CASZ1: variants seen among roughly 807,000 people sequenced by gnomAD.
CASZ1 encodes the protein zinc finger protein castor homolog 1.
Under a neutral mutation model 135.2 loss-of-function variants are expected in CASZ1, and 28 were observed. The observed-to-expected ratio is 0.21, with a 90% CI of 0.15 to 0.28. The LOEUF (loss-of-function observed/expected upper bound fraction) is 0.28. Ranked by LOEUF, CASZ1 falls within the 10% of genes least tolerant of loss-of-function variation. The pLI is 1.00. For synonymous variants in CASZ1, 1,068 were observed against 1,073.4 expected, an observed-to-expected ratio of 0.99 and a Z score of 0.10; for missense variants, 2,161 against 2,453.3, an observed-to-expected ratio of 0.88 and a Z score of 2.52.
In CASZ1 at chr1:10,699,931, A is replaced by G. The variant is rs1026511031; in HGVS notation, c.-24+5561T>C. On this transcript the variant is annotated intron_variant, in intron 3 of 20. Coordinates refer to ENST00000377022, the MANE Select transcript of CASZ1 (RefSeq NM_001079843.3). This position sits in a 1 kb window ranked among gnomAD's most constrained non-coding sequence, Gnocchi z 4.6. ...GTGAGAGAAGAGAGAGGTAGGTGGG[A>G]AGAAAAAGGTGAGAAGAAACAGAAG... Among the ~76,000 whole-genome samples, 1 of 152,044 alleles carries G rather than the reference A, an allele frequency of 6.6e-6. No individual in the cohort carries two copies. The highest frequency in any genetic ancestry group is 1.5e-5 in the Non-Finnish European group (1 of 68,010).
intron 18 of CASZ1, 78 bp from the exon 19 acceptor site, chr1:10,643,389 C>T: frequency 6.7e-7 from 1 of 1,502,072 alleles, no homozygotes; most frequent in Non-Finnish European, 9.1e-7. Flanking sequence ...GGGCACTGTT[C>T]TGGGCATGGG....
At chr1:10,668,379 C>T (rs1237588199) in intron 4 of CASZ1, among the ~76,000 whole-genome samples, 2 of 152,236 alleles carry the variant, frequency 1.3e-5, no homozygotes, top group East Asian at 3.8e-4. Context: ...CTGTCACTGC[C>T]CCTTTCATCT....
Position 10,719,107 on chromosome 1 carries a change from G to A in CASZ1, c.-76-13563C>T, listed in dbSNP as rs535346868. ...TTTTTTTTACTTTTAGTGGAGGTGG[G>A]GTTTCCAACCATGTTGGCCAGACTA... On this transcript the variant is annotated intron_variant, in intron 2 of 20. Transcript: ENST00000377022. This position sits in a 1 kb window ranked among gnomAD's most constrained non-coding sequence, Gnocchi z 4.0. 6.6e-6 allele frequency among the ~76,000 whole-genome samples: 1 copy of A among 151,988 alleles called. No individual in the cohort carries two copies. Among genetic ancestry groups the A allele is most frequent in the Non-Finnish European group, 1.5e-5 (1 of 67,992 alleles).
chr1:10,739,237 G>A lies in CASZ1; in HGVS notation c.-77+21464C>T, dbSNP rs1325982776. Among the ~76,000 whole-genome samples, 2 of 152,142 alleles carry A rather than the reference G, an allele frequency of 1.3e-5. No homozygotes were observed. Among genetic ancestry groups the A allele is most frequent in the Non-Finnish European group, 2.9e-5 (2 of 68,026 alleles). ...GGTGCAACCTGCAGCTGCGGGACGG[G>A]TGCATTCACGAGGGGGGTGTGTGCG... On this transcript the variant is annotated intron_variant, in intron 2 of 20. Transcript: ENST00000377022. The surrounding 1 kb of genome is among the most constrained non-coding windows in gnomAD (Gnocchi z 4.8).
intron 6 of CASZ1, 66 bp from the exon 7 acceptor site, chr1:10,658,642 T>C: frequency 7.0e-7 from 1 of 1,424,936 alleles, no homozygotes; most frequent in Non-Finnish European, 9.9e-7. Flanking sequence ...CAGGGGCATC[T>C]GGTGGGCAGC....
intron 4 of CASZ1, 37 bp downstream of exon 4, chr1:10,693,837 G>A (rs755896082): frequency 1.3e-6 from 2 of 1,527,948 alleles, no homozygotes; most frequent in African/African-American, 1.4e-5. Context: ...CGAAAGAAAA[G>A]TGAAAGAGCC....
Position 10,639,656 on chromosome 1 carries a change from G to A in CASZ1, c.4566C>T (p.Phe1522=). The change falls in exon 21 of 21, where the codon TTC becomes TTT. Residue 1522 remains phenylalanine (F), a synonymous_variant. Coordinates refer to ENST00000377022, the MANE Select transcript of CASZ1 (RefSeq NM_001079843.3). This position sits in a 1 kb window ranked among gnomAD's most constrained non-coding sequence, Gnocchi z 4.0. ...TGACCTTGGTGCTGTCGGTGCAGCG[G>A]AAGCGGCAGCGCAGGCAGTGGAAGT... ...STHFHCLRCR[F]RCTDSTKVTA... is the part of the protein sequence containing the mutation. The A allele has an allele frequency of 3.7e-6, 6 of 1,604,772 alleles. No homozygotes were observed. Among genetic ancestry groups the A allele is most frequent in the Non-Finnish European group, 5.1e-6 (6 of 1,177,542 alleles).
At chr1:10,745,301 C>G (rs2100542715) in intron 2 of CASZ1, among the ~76,000 whole-genome samples, 1 of 152,320 alleles carries the variant, frequency 6.6e-6, no homozygotes, top group East Asian at 1.9e-4. Flanking sequence ...CAGCCTGCAT[C>G]ATGCCTATAA....
rs373796757 is a variant in CASZ1 at position 10,763,340 on chromosome 1, C to G, written c.-233-2483G>C. On this transcript the variant is annotated intron_variant, in intron 1 of 20. Coordinates refer to ENST00000377022, the MANE Select transcript of CASZ1 (RefSeq NM_001079843.3). The stretch of plus-strand genomic sequence containing the variant: ...GTGGGTCCGAGTCCCACTTCTGTCC[C>G]CGAAACCTCCATGGGCCCTTAGACA... 1.4e-4 allele frequency among the ~76,000 whole-genome samples: 22 copies of G among 152,274 alleles called. No individual in the cohort carries two copies. In the East Asian group the frequency reaches 1.9e-3, roughly 13 times the overall value.
At chr1:10,687,310 G>A (rs1397440363) in intron 4 of CASZ1, among the ~76,000 whole-genome samples, 1 of 152,240 alleles carries the variant, frequency 6.6e-6, no homozygotes, top group Non-Finnish European at 1.5e-5. Flanking sequence ...TCCAAAGCCA[G>A]GCAGTGCCCC....
intron 1 of CASZ1, among the ~76,000 whole-genome samples, chr1:10,766,941 G>A (rs567660968): frequency 6.6e-6 from 1 of 152,258 alleles, no homozygotes; most frequent in African/African-American, 2.4e-5. Flanking sequence ...TCACAGCACT[G>A]CTTAGTAAGG....
At chr1:10,668,909 C>G (rs547403251) in intron 4 of CASZ1, among the ~76,000 whole-genome samples, 1 of 152,326 alleles carries the variant, frequency 6.6e-6, no homozygotes, top group Non-Finnish European at 1.5e-5. Context: ...GGCTGAGAAA[C>G]CTTACCTGGC....
rs1639172385 is a variant in CASZ1, at chr1:10,706,330, A to G, written c.-76-786T>C. On this transcript the variant is annotated intron_variant, in intron 2 of 20. Transcript: ENST00000377022. This position sits in a 1 kb window ranked among gnomAD's most constrained non-coding sequence, Gnocchi z 4.3. ...GTGTACGTGGAGAGAAAACACAGGG[A>G]GTCCCCCCGCCAGCCTGCTGGCCAG... Among the ~76,000 whole-genome samples the G allele has an allele frequency of 6.6e-6, 1 of 152,116 alleles. No homozygotes were observed. The highest frequency in any genetic ancestry group is 2.4e-5 in the African/African-American group (1 of 41,398).
intron 2 of CASZ1, among the ~76,000 whole-genome samples, chr1:10,716,157 C>T (rs2100471694): frequency 6.6e-6 from 1 of 150,878 alleles, no homozygotes; most frequent in East Asian, 2.0e-4. Context: ...AGCACCCAAT[C>T]CACAACCCAC....
chr1:10,743,861 G>A (rs953141802), intron 2 of CASZ1, among the ~76,000 whole-genome samples: 1 of 149,578 alleles, frequency 6.7e-6, no homozygotes, highest in Non-Finnish European at 1.5e-5. Flanking sequence ...AGGGAGGGAG[G>A]GAGGGAGAGA....
At chr1:10,705,800 T>C (rs763217678) in intron 2 of CASZ1, among the ~76,000 whole-genome samples, 12 of 152,196 alleles carry the variant, frequency 7.9e-5, no homozygotes, top group Non-Finnish European at 1.6e-4. Flanking sequence ...GGCAATGTGG[T>C]CCTCAGGACC....
In CASZ1 at chr1:10,659,767, G is replaced by T; in HGVS notation, c.1275C>A (p.Pro425=). 1 of 1,614,020 alleles carries T rather than the reference G, an allele frequency of 6.2e-7. No individual in the cohort carries two copies. The highest frequency in any genetic ancestry group is 8.5e-7 in the Non-Finnish European group (1 of 1,179,920). Residue 425 remains proline, a synonymous_variant, in exon 6 of 21, where the codon CCC becomes CCA. Transcript: ENST00000377022. Reference sequence around the variant, plus strand: ...TGGAGAAGGTTGACTTCAGGTACTCGGGAGTGTTGAAGGACAGGGAGGCAG... The same window carrying T: ...TGGAGAAGGTTGACTTCAGGTACTCTGGAGTGTTGAAGGACAGGGAGGCAG... The part of the protein sequence containing the change: ...EPPASLSFNT[P]EYLKSTFSKT...
intron 20 of CASZ1, among the ~76,000 whole-genome samples, chr1:10,640,377 C>G (rs1206642956): frequency 6.6e-6 from 1 of 152,208 alleles, no homozygotes; most frequent in Non-Finnish European, 1.5e-5. Context: ...AGTGAGGACA[C>G]GTCCTGGCGC....
chr1:10,670,566 A>T (rs1365014931), intron 4 of CASZ1, among the ~76,000 whole-genome samples: 1 of 152,082 alleles, frequency 6.6e-6, no homozygotes, highest in Non-Finnish European at 1.5e-5. Context: ...TACAGACCAG[A>T]CCCTGGGCTG....
Sources: gnomAD v4.1 joint callset for allele counts (sites outside exome capture counted in the v4.1 genomes callset) on GRCh38, gnomAD v4.1.1 for gene constraint, Gnocchi (gnomAD v3.1) non-coding constraint, MANE v1.5 for transcripts, NCBI Gene and HGNC (gene_info 2026-07-23, HGNC 2026-07-21) for gene names.